Variants in ZNF827 observed in about 807,000 individuals in gnomAD.
The protein encoded by ZNF827 is zinc finger protein 827.
ZNF827 carries 13 observed loss-of-function variants against 102.4 expected under a neutral mutation model. The observed-to-expected ratio is 0.13, with a 90% CI of 0.08 to 0.20. ZNF827 has a LOEUF of 0.20. Among genes scored for constraint, ZNF827 ranks in the 10% least tolerant of loss-of-function variants. The pLI is 1.00. For synonymous variants in ZNF827, 523 were observed against 536.2 expected (o/e 0.98, Z 0.34); for missense variants, 1,103 against 1,344.4 (o/e 0.82, Z 2.81).
At chr4:145,815,713 T>G (rs1395128064) in intron 8 of ZNF827, among the ~76,000 whole-genome samples, 1 of 152,238 alleles carries the variant, frequency 6.6e-6, no homozygotes, top group Non-Finnish European at 1.5e-5. Context: ...AGAAAAGGCC[T>G]TGTAGATTGA....
intron 11 of ZNF827, among the ~76,000 whole-genome samples, chr4:145,771,579 G>A (rs1736290728): frequency 1.3e-5 from 2 of 152,300 alleles, no homozygotes; most frequent in East Asian, 1.9e-4. Context: ...GATATTCTCT[G>A]CAGGGACAAG....
At chr4:145,836,500 T>C (rs1744853309) in intron 7 of ZNF827, among the ~76,000 whole-genome samples, 3 of 152,216 alleles carry the variant, frequency 2.0e-5, no homozygotes. Context: ...GTCTTCCTCA[T>C]ACCTGACGCA....
At chr4:145,875,698 C>T (rs1054302743) in intron 4 of ZNF827, among the ~76,000 whole-genome samples, 8 of 152,134 alleles carry the variant, frequency 5.3e-5, no homozygotes, top group Admixed American at 2.6e-4. Flanking sequence ...TTCAGTTCAA[C>T]GTATGGCAAT....
At chr4:145,764,737 G>C (rs11939704) in intron 13 of ZNF827, 2 of 523,294 alleles carry the variant, frequency 3.8e-6, no homozygotes, top group Non-Finnish European at 3.4e-6. Context: ...TTGTTTCAAC[G>C]TGTCTTTTTT....
intron 7 of ZNF827, among the ~76,000 whole-genome samples, chr4:145,826,718 C>T (rs1312799710): frequency 6.6e-6 from 1 of 152,178 alleles, no homozygotes; most frequent in Admixed American, 6.5e-5. Flanking sequence ...GGGTTCAGTA[C>T]TATCTGAGGT....
At chr4:145,888,999 G>A (rs1750369185) in intron 3 of ZNF827, among the ~76,000 whole-genome samples, 1 of 152,150 alleles carries the variant, frequency 6.6e-6, no homozygotes, top group Admixed American at 6.5e-5. Context: ...TACTATATTT[G>A]TTGAACAAAG....
chr4:145,891,654 A>G (rs937005184), intron 3 of ZNF827, among the ~76,000 whole-genome samples: 4 of 152,232 alleles, frequency 2.6e-5, no homozygotes, highest in Non-Finnish European at 5.9e-5. Flanking sequence ...AAACAATGAC[A>G]GCCTCAATGA....
intron 5 of ZNF827, among the ~76,000 whole-genome samples, chr4:145,866,483 A>C (rs1479349540): frequency 1.3e-5 from 2 of 152,214 alleles, no homozygotes; most frequent in Non-Finnish European, 2.9e-5. Flanking sequence ...GTTCTCCAGG[A>C]CTAGGCAGGA....
chr4:145,795,389 C>A (rs1560933434), intron 8 of ZNF827, among the ~76,000 whole-genome samples: 1 of 152,210 alleles, frequency 6.6e-6, no homozygotes, highest in Admixed American at 6.5e-5. Context: ...CTCAAGTGAT[C>A]CGCCCGCCTT....
intron 1 of ZNF827, among the ~76,000 whole-genome samples, chr4:145,934,112 T>G (rs1753992220): frequency 6.6e-6 from 1 of 152,202 alleles, no homozygotes; most frequent in Admixed American, 6.5e-5. Context: ...GAATCATATT[T>G]AAATCCCAAA....
intron 2 of ZNF827, among the ~76,000 whole-genome samples, chr4:145,893,888 G>A (rs1750788770): frequency 6.6e-6 from 1 of 151,834 alleles, no homozygotes; most frequent in African/African-American, 2.4e-5. Context: ...CAACATGTAA[G>A]TGGCATTTTT....
chr4:145,850,526 T>C (rs2126662098), intron 5 of ZNF827, among the ~76,000 whole-genome samples: 3 of 152,314 alleles, frequency 2.0e-5, no homozygotes, highest in Middle Eastern at 6.8e-3. Context: ...CTGTGTGTCA[T>C]TTAGGTGTGG....
At chr4:145,838,762 C>T (rs1745130752) in intron 7 of ZNF827, among the ~76,000 whole-genome samples, 2 of 152,172 alleles carry the variant, frequency 1.3e-5, no homozygotes, top group African/African-American at 4.8e-5. Context: ...AGGATACACA[C>T]CACCAACTTA....
intron 2 of ZNF827, among the ~76,000 whole-genome samples, chr4:145,894,463 C>G (rs1750827491): frequency 6.6e-6 from 1 of 152,090 alleles, no homozygotes; most frequent in Non-Finnish European, 1.5e-5. Flanking sequence ...CAAGAGTATA[C>G]TTTAAAATAA....
At position 145,885,879 on chromosome 4, in the gene ZNF827, C is replaced by T; in HGVS notation, c.1546G>A (p.Gly516Ser). The T allele has an allele frequency of 6.2e-7, 1 of 1,614,234 alleles. No homozygotes were observed. The highest frequency in any genetic ancestry group is 8.5e-7 in the Non-Finnish European group (1 of 1,180,042). ...TCCTTCACCAGCAAAGGCGAGACGC[C>T]AGCCCCTCCCTGGCTAGTCCTCTCT... ...TPERTSQGGA[G>S]VSPLLVKEEP... Residue 516 changes from glycine (G) to serine (S), a missense_variant, in exon 4 of 15, where the codon GGC (glycine) becomes AGC (serine). Physicochemically the swap from Gly to Ser is moderately conservative, Grantham distance 56. This residue lies in a region of ZNF827 where 157 missense variants were observed against 211.7 expected (regional missense o/e 0.74). Coordinates refer to ENST00000508784, the MANE Select transcript of ZNF827 (RefSeq NM_001306215.2).
intron 8 of ZNF827, among the ~76,000 whole-genome samples, chr4:145,803,203 C>G (rs572229290): frequency 4.9e-4 from 74 of 152,246 alleles, no homozygotes; most frequent in Admixed American, 9.8e-4. Context: ...GGGTTTTCTT[C>G]AAAAAATTTT....
intron 7 of ZNF827, 76 bp downstream of exon 7, chr4:145,845,880 G>A (rs1038197045): frequency 2.0e-6 from 3 of 1,469,076 alleles, no homozygotes; most frequent in African/African-American, 2.8e-5. Context: ...GAGGTTTGGG[G>A]AGCAACGTTC....
chr4:145,795,395 G>A (rs1023457317), intron 8 of ZNF827, among the ~76,000 whole-genome samples: 7 of 152,160 alleles, frequency 4.6e-5, no homozygotes, highest in Admixed American at 1.3e-4. Flanking sequence ...TGATCCGCCC[G>A]CCTTGGCCTC....
intron 1 of ZNF827, among the ~76,000 whole-genome samples, chr4:145,907,809 A>ATT (rs1751987629): frequency 6.6e-6 from 1 of 152,238 alleles, no homozygotes; most frequent in African/African-American, 2.4e-5. Context: ...TTTACACAAC[A>ATT]GTCTGTTTTT....
Sources: allele counts gnomAD v4.1 joint callset (sites outside exome capture counted in the v4.1 genomes callset), GRCh38; gene constraint gnomAD v4.1.1; regional missense constraint gnomAD v4.1.1; transcripts MANE v1.5; gene names NCBI Gene and HGNC (gene_info 2026-07-23, HGNC 2026-07-21).